Variants in ARG2 observed in about 807,000 individuals in gnomAD.
The protein encoded by ARG2 is arginase-2, mitochondrial.
A neutral mutation model predicts 39.4 loss-of-function variants in ARG2; 21 were observed. That is an observed-to-expected ratio of 0.53 (90% CI 0.38 to 0.77). The LOEUF is 0.77. Ranked by LOEUF, ARG2 falls within the 30% of genes least tolerant of loss-of-function variation. ARG2 has a pLI of 0.00. For synonymous variants in ARG2, 150 were observed against 156.7 expected, an observed-to-expected ratio of 0.96 and a Z score of 0.32; for missense variants, 378 against 426.2, an observed-to-expected ratio of 0.89 and a Z score of 1.00.
intron 2 of ARG2, among the ~76,000 whole-genome samples, chr14:67,633,100 G>A (rs985183026): frequency 2.6e-5 from 4 of 152,096 alleles, no homozygotes; most frequent in Non-Finnish European, 5.9e-5. Flanking sequence ...GATTACAGGC[G>A]TGAGCCACTG....
At chr14:67,643,027 T>G (rs1269389043) in intron 3 of ARG2, among the ~76,000 whole-genome samples, 3 of 152,254 alleles carry the variant, frequency 2.0e-5, no homozygotes, top group Non-Finnish European at 2.9e-5. Flanking sequence ...GGTCTCGAAC[T>G]CCTGAGCTCA....
intron 7 of ARG2, chr14:67,650,053 G>A (rs187250210): frequency 4.5e-4 from 69 of 152,410 alleles, no homozygotes; most frequent in Middle Eastern, 3.4e-3. Context: ...CTGAAGTCCA[G>A]ATAAAATAAT....
At chr14:67,644,339 A>G (rs1030371743) in intron 3 of ARG2, among the ~76,000 whole-genome samples, 1 of 152,196 alleles carries the variant, frequency 6.6e-6, no homozygotes, top group Non-Finnish European at 1.5e-5. Context: ...CTCACAGAAA[A>G]GGAAACTGAA....
In ARG2 at chr14:67,642,288, A is replaced by G. The variant is rs746310852; in HGVS notation, c.287A>G (p.Asn96Ser). 1 of 1,614,112 alleles carries G rather than the reference A, an allele frequency of 6.2e-7. No homozygotes were observed. The highest frequency in any genetic ancestry group is 8.5e-7 in the Non-Finnish European group (1 of 1,180,012). ...AATCCACGCTCAGTGGGTCTTGCCAACCAGGAACTGGCTGAGGTGGTTAGC... is the reference window on the plus strand; with the variant it reads ...AATCCACGCTCAGTGGGTCTTGCCAGCCAGGAACTGGCTGAGGTGGTTAGC... ...IVNPRSVGLA[N>S]QELAEVVSRA... Residue 96 changes from asparagine (N) to serine (S), a missense_variant, in exon 3 of 8, where the codon AAC (asparagine) becomes AGC (serine). Physicochemically the swap from Asn to Ser is conservative, Grantham distance 46 (BLOSUM62 1). Coordinates refer to ENST00000261783, the MANE Select transcript of ARG2 (RefSeq NM_001172.4).
chr14:67,629,899 A>T (rs956186068), intron 2 of ARG2, among the ~76,000 whole-genome samples: 2 of 152,240 alleles, frequency 1.3e-5, no homozygotes, highest in Admixed American at 1.3e-4. Flanking sequence ...ATTCTTACAG[A>T]AAGTCCACTT....
chr14:67,642,030 G>A (rs12896052), intron 2 of ARG2, among the ~76,000 whole-genome samples, 156 bp from the exon 3 acceptor site: 18,877 of 152,048 alleles, frequency 0.12, 1,431 homozygotes, highest in South Asian at 0.33. Context: ...TAATAGGATC[G>A]AGATAATCTT....
At chr14:67,642,147 C>A in intron 2 of ARG2, 39 bp from the exon 3 acceptor site, 1 of 1,600,532 alleles carries the variant, frequency 6.2e-7, no homozygotes, top group South Asian at 1.1e-5. Context: ...TTGGAGATAG[C>A]ACAGAAAATT....
chr14:67,620,807 AG>A, intron 1 of ARG2, 86 bp from the exon 2 acceptor site: 2 of 1,349,498 alleles, frequency 1.5e-6, no homozygotes, highest in East Asian at 4.6e-5. Context: ...AGGTTTTCAG[AG>A]GAACCTGCTG....
intron 3 of ARG2, among the ~76,000 whole-genome samples, chr14:67,645,054 A>G (rs916839084): frequency 6.6e-6 from 1 of 151,818 alleles, no homozygotes. Flanking sequence ...AACATGCAAT[A>G]CATCTTTTTA....
chr14:67,643,926 G>C (rs1042679229), intron 3 of ARG2, among the ~76,000 whole-genome samples: 1 of 141,720 alleles, frequency 7.1e-6, no homozygotes, highest in Non-Finnish European at 1.5e-5. Context: ...TCCCTACTGA[G>C]ATGACTAGGC....
rs1012215252 is a variant in ARG2, at chr14:67,651,143, T to C, written c.*223T>C. The stretch of plus-strand genomic sequence containing the variant: ...AGGGTATTAATATGCTACAGTACTA[T>C]GTAAATTTAAAGAAGTCATAAACAG... On this transcript the variant is annotated 3_prime_UTR_variant, in exon 8 of 8. Coordinates refer to ENST00000261783, the MANE Select transcript of ARG2 (RefSeq NM_001172.4). The C allele has an allele frequency of 2.2e-5, 20 of 922,656 alleles. No individual in the cohort carries two copies. The highest frequency in any genetic ancestry group is 1.5e-4 in the African/African-American group (9 of 59,938). The allele number at this position is 922,656 out of a possible 1,614,324, so 57.2% of individuals were successfully genotyped here. A position where few individuals can be genotyped will look rare whatever the true frequency, so the allele number is the denominator to read the frequency against.
intron 2 of ARG2, among the ~76,000 whole-genome samples, chr14:67,621,817 C>T (rs1206558388): frequency 6.6e-6 from 1 of 151,718 alleles, no homozygotes; most frequent in Non-Finnish European, 1.5e-5. Context: ...CCTTTATAAG[C>T]AGGGTGCGGT....
In ARG2 at chr14:67,651,152, A is replaced by AAAG; in HGVS notation, c.*236_*238dup. 1 of 955,606 alleles carries AAAG rather than the reference A, an allele frequency of 1.0e-6. No homozygotes were observed. Among genetic ancestry groups the AAAG allele is most frequent in the South Asian group, 1.7e-5 (1 of 57,218 alleles). 59.2% of individuals were successfully genotyped at this position (955,606 alleles called of 1,614,324 possible). A position where few individuals can be genotyped will look rare whatever the true frequency, so the allele number is the denominator to read the frequency against. ...ATATGCTACAGTACTATGTAAATTT[A>AAAG]AAGAAGTCATAAACAGCATTTATTA... On this transcript the variant is annotated 3_prime_UTR_variant, in exon 8 of 8. Transcript: ENST00000261783.
At chr14:67,648,288 T>G (rs937524116) in intron 7 of ARG2, 105 bp downstream of exon 7, 2 of 1,323,980 alleles carry the variant, frequency 1.5e-6, no homozygotes, top group South Asian at 3.1e-5. Flanking sequence ...TTGCAGAGTT[T>G]GTTTTTGCTT....
chr14:67,635,866 T>A (rs926460267), intron 2 of ARG2, among the ~76,000 whole-genome samples: 13 of 152,150 alleles, frequency 8.5e-5, no homozygotes, highest in East Asian at 1.9e-4. Context: ...AAATTTTTTT[T>A]AAATTTTAAA....
At chr14:67,633,078 C>T (rs973967011) in intron 2 of ARG2, among the ~76,000 whole-genome samples, 5 of 151,936 alleles carry the variant, frequency 3.3e-5, no homozygotes, top group Admixed American at 6.6e-5. Context: ...CCTCGGCCTC[C>T]GAAAGTGCTG....
At chr14:67,633,316 T>C (rs1488742928) in intron 2 of ARG2, among the ~76,000 whole-genome samples, 1 of 152,202 alleles carries the variant, frequency 6.6e-6, no homozygotes, top group African/African-American at 2.4e-5. Flanking sequence ...TCTAGGTCAT[T>C]TGTCTGCAGA....
chr14:67,635,834 A>G (rs1183387380), intron 2 of ARG2, among the ~76,000 whole-genome samples: 1 of 152,220 alleles, frequency 6.6e-6, no homozygotes, highest in Non-Finnish European at 1.5e-5. Flanking sequence ...CGTGGGTGAA[A>G]GAGCAAAACT....
At chr14:67,628,850 A>G (rs1208385328) in intron 2 of ARG2, among the ~76,000 whole-genome samples, 2 of 152,188 alleles carry the variant, frequency 1.3e-5, no homozygotes, top group African/African-American at 4.8e-5. Flanking sequence ...TAGAATTACT[A>G]TATGATTTAG....
Sources: allele counts gnomAD v4.1 joint callset (sites outside exome capture counted in the v4.1 genomes callset), GRCh38; gene constraint gnomAD v4.1.1; transcripts MANE v1.5; gene names NCBI Gene and HGNC (gene_info 2026-07-23, HGNC 2026-07-21).